Variants in ODAD2 observed in about 807,000 individuals in gnomAD.
ODAD2 encodes the protein outer dynein arm docking complex subunit 2.
Under a neutral mutation model 106.8 loss-of-function variants are expected in ODAD2, and 89 were observed. That is an observed-to-expected ratio of 0.83 (90% confidence interval 0.70 to 0.99). The LOEUF is 0.99. Ranked by LOEUF, ODAD2 falls within the 50% of genes least tolerant of loss-of-function variation. ODAD2 has a pLI of 0.00. For synonymous variants in ODAD2, 404 were observed against 436.2 expected (o/e 0.93, Z 0.92); for missense variants, 1,168 against 1,238.5 (o/e 0.94, Z 0.85).
intron 16 of ODAD2, among the ~76,000 whole-genome samples, chr10:27,918,848 TAAAGGTATATTTGAATATAC>T (rs1244689494): frequency 2.7e-5 from 4 of 150,844 alleles, no homozygotes; most frequent in Non-Finnish European, 4.4e-5. Flanking sequence ...CCAGCATACA[TAAAGGTATATTTGAATATAC>T]AAAGGTATAT....
At chr10:27,819,574 T>TAAAAAAAAAAA (rs56031733) in intron 19 of ODAD2, among the ~76,000 whole-genome samples, 1 of 74,014 alleles carries the variant, frequency 1.4e-5, no homozygotes, top group African/African-American at 5.1e-5. Flanking sequence ...CCCTGTCTCT[T>TAAAAAAAAAAA]AAAAAAAAAA....
At chr10:27,918,530 T>C (rs1196993872) in intron 16 of ODAD2, among the ~76,000 whole-genome samples, 1 of 151,774 alleles carries the variant, frequency 6.6e-6, no homozygotes, top group African/African-American at 2.4e-5. Flanking sequence ...CACAGCAAAC[T>C]AGGAATAGAA....
chr10:27,980,575 C>T (rs1300365346), intron 7 of ODAD2, among the ~76,000 whole-genome samples: 5 of 151,916 alleles, frequency 3.3e-5, no homozygotes, highest in Non-Finnish European at 7.4e-5. Context: ...AAAATATGGT[C>T]GACATTACTA....
rs2133098137 is a variant in ODAD2, at chr10:27,981,552, A to C, written c.850T>G (p.Tyr284Asp). 6.5e-7 allele frequency: 1 copy of C among 1,545,100 alleles called. No individual in the cohort carries two copies. Among genetic ancestry groups the C allele is most frequent in the Non-Finnish European group, 8.6e-7 (1 of 1,158,986 alleles). The change falls in exon 7 of 20, where the codon TAT becomes GAT. Residue 284 changes from tyrosine (Y) to aspartate (D), a missense_variant. Transcript: ENST00000305242. ...TTATAAATTGAACCTTTTCTCTCATAATTAACGTCCCCTTCATCATCTGTT... is the reference window on the plus strand; with the variant it reads ...TTATAAATTGAACCTTTTCTCTCATCATTAACGTCCCCTTCATCATCTGTT... ...GKTDDEGDVN[Y>D]ERKGSIYKNL...
chr10:27,987,354 G>C, intron 3 of ODAD2, 32 bp downstream of exon 3: 1 of 1,593,718 alleles, frequency 6.3e-7, no homozygotes, highest in Non-Finnish European at 8.6e-7. Flanking sequence ...GTTTCTAAAA[G>C]TTCAAATCAC....
At chr10:27,867,244 G>T (rs187880536) in intron 17 of ODAD2, among the ~76,000 whole-genome samples, 1 of 152,264 alleles carries the variant, frequency 6.6e-6, no homozygotes, top group Admixed American at 6.5e-5. Flanking sequence ...AAAGGGCCAT[G>T]AAGTTCTCAC....
At chr10:27,932,657 C>T (rs982559091) in intron 16 of ODAD2, among the ~76,000 whole-genome samples, 7 of 152,160 alleles carry the variant, frequency 4.6e-5, no homozygotes, top group African/African-American at 1.7e-4. Context: ...TTCATGCAAG[C>T]TGCCTCCTTC....
chr10:27,841,408 A>AT (rs948017086), intron 19 of ODAD2, among the ~76,000 whole-genome samples: 179 of 148,498 alleles, frequency 1.2e-3, no homozygotes, highest in African/African-American at 3.6e-3. Context: ...TCTTATTTTT[A>AT]TTTTTTTTTC....
intron 13 of ODAD2, among the ~76,000 whole-genome samples, chr10:27,940,338 A>G (rs1319481007): frequency 6.6e-6 from 1 of 152,052 alleles, no homozygotes; most frequent in Non-Finnish European, 1.5e-5. Flanking sequence ...AGATTTATAT[A>G]AATGTCAGTA....
chr10:27,864,004 G>A (rs1171836108), intron 17 of ODAD2, among the ~76,000 whole-genome samples: 1 of 152,024 alleles, frequency 6.6e-6, no homozygotes, highest in African/African-American at 2.4e-5. Flanking sequence ...GCTGAAGTGT[G>A]GGGGAAGGAT....
intron 16 of ODAD2, among the ~76,000 whole-genome samples, chr10:27,916,412 T>C (rs1844381683): frequency 6.6e-6 from 1 of 152,042 alleles, no homozygotes; most frequent in South Asian, 2.1e-4. Context: ...GGGAAATTGA[T>C]CAAATAAGTA....
intron 19 of ODAD2, among the ~76,000 whole-genome samples, chr10:27,859,848 C>G (rs1839918632): frequency 6.6e-6 from 1 of 152,078 alleles, no homozygotes; most frequent in Non-Finnish European, 1.5e-5. Context: ...AACAAACAAA[C>G]AAACAAACAA....
rs895292350 is a variant in ODAD2 at position 27,959,040 on chromosome 10, G to A, written c.1386+2528C>T. On this transcript the variant is annotated intron_variant, in intron 10 of 19. Coordinates refer to ENST00000305242, the MANE Select transcript of ODAD2 (RefSeq NM_018076.5). ...TCAGGACTCTCTTAATTCATCTTCTGAAAGACTATGTCTTGGACGGGCTTA... is the reference window on the plus strand; with the variant it reads ...TCAGGACTCTCTTAATTCATCTTCTAAAAGACTATGTCTTGGACGGGCTTA... The A allele has an allele frequency of 5.4e-6, 7 of 1,293,310 alleles. No homozygotes were observed. In the African/African-American group the frequency reaches 1.1e-4, roughly 20 times the overall value. 80.1% of individuals were successfully genotyped at this position (1,293,310 alleles called of 1,614,324 possible). A position where few individuals can be genotyped will look rare whatever the true frequency, so the allele number is the denominator to read the frequency against.
chr10:27,905,332 G>A (rs1843511812), intron 17 of ODAD2, among the ~76,000 whole-genome samples: 1 of 152,036 alleles, frequency 6.6e-6, no homozygotes, highest in South Asian at 2.1e-4. Context: ...CCTCTTCAAG[G>A]AGAACTACAA....
intron 12 of ODAD2, 65 bp downstream of exon 12, chr10:27,944,157 C>T: frequency 1.4e-6 from 2 of 1,414,512 alleles, no homozygotes; most frequent in South Asian, 1.2e-5. Flanking sequence ...CCAGAAAGGA[C>T]AGCAAGGAGC....
intron 2 of ODAD2, 66 bp downstream of exon 2, chr10:27,994,853 T>G: frequency 6.4e-7 from 1 of 1,552,664 alleles, no homozygotes; most frequent in Admixed American, 1.8e-5. Context: ...CCCCCAAACC[T>G]AGAACCAATT....
intron 17 of ODAD2, among the ~76,000 whole-genome samples, chr10:27,890,724 G>A (rs1226743122): frequency 3.3e-5 from 5 of 150,634 alleles, no homozygotes; most frequent in African/African-American, 9.8e-5. Context: ...CCTCACTTTT[G>A]TTTGGACCCC....
intron 10 of ODAD2, among the ~76,000 whole-genome samples, chr10:27,949,895 G>T (rs546133416): frequency 5.3e-5 from 8 of 152,242 alleles, no homozygotes; most frequent in African/African-American, 1.9e-4. Flanking sequence ...GTTCAGGAAA[G>T]GATGCTACAA....
chr10:27,897,926 T>C (rs1340991085), intron 17 of ODAD2, among the ~76,000 whole-genome samples: 1 of 152,048 alleles, frequency 6.6e-6, no homozygotes, highest in Non-Finnish European at 1.5e-5. Context: ...GGTCATGTTT[T>C]AGGCTGCTTG....
Sources: gnomAD v4.1 joint callset for allele counts (sites outside exome capture counted in the v4.1 genomes callset) on GRCh38, gnomAD v4.1.1 for gene constraint, MANE v1.5 for transcripts, NCBI Gene and HGNC (gene_info 2026-07-23, HGNC 2026-07-21) for gene names.